CILP: variants seen among roughly 807,000 people sequenced by gnomAD.
CILP encodes the protein cartilage intermediate layer protein, also known as cartilage intermediate layer protein 1.
A neutral mutation model predicts 82.5 loss-of-function variants in CILP; 75 were observed. The ratio of observed to expected loss-of-function variants is 0.91; its 90% confidence interval spans 0.75 to 1.10. CILP has a LOEUF of 1.10. Among genes scored for constraint, CILP ranks in the 50% least tolerant of loss-of-function variants. CILP has a pLI of 0.00. For synonymous variants in CILP, 530 were observed against 580.3 expected, an observed-to-expected ratio of 0.91 and a Z score of 1.25; for missense variants, 1,479 against 1,530.8, an observed-to-expected ratio of 0.97 and a Z score of 0.56.
chr15:65,210,893 T>C (rs1406057179), intron 1 of CILP, among the ~76,000 whole-genome samples: 1 of 152,156 alleles, frequency 6.6e-6, no homozygotes, highest in Non-Finnish European at 1.5e-5. Flanking sequence ...CTCCACATTG[T>C]GTGTATCCCT....
In CILP at chr15:65,201,886, T is replaced by A. The variant is rs201892140; in HGVS notation, c.1172A>T (p.Gln391Leu). ...GACAGGCTTACCTATGACAATCAGC[T>A]GGGCAACCTTGGACTTCACAGCCCC... ...DAGAVKSKVAQLIVIASDETP... is the reference protein window; with the variant it reads ...DAGAVKSKVALLIVIASDETP... Residue 391 changes from glutamine (Q) to leucine (L), a missense_variant, in exon 8 of 9, where the codon CAG (glutamine) becomes CTG (leucine). By Grantham distance (113) the Gln-to-Leu change is moderately radical (BLOSUM62 -2). Coordinates refer to ENST00000261883, the MANE Select transcript of CILP (RefSeq NM_003613.4). 4 of 1,557,666 alleles carry A rather than the reference T, an allele frequency of 2.6e-6. No homozygotes were observed. The highest frequency in any genetic ancestry group is 1.7e-6 in the Non-Finnish European group (2 of 1,153,218).
intron 6 of CILP, 117 bp downstream of exon 6, chr15:65,204,151 T>G: frequency 1.2e-6 from 1 of 839,662 alleles, no homozygotes; most frequent in Non-Finnish European, 1.9e-6. Context: ...ATGTGGGCCA[T>G]GGTAAGGATT....
Position 65,196,635 on chromosome 15 carries a change from A to T in CILP, c.*96T>A. ...AACAAACAAGCAAATTCACGAAAAC[A>T]GAAGTGCTTAAATTAACCAAGTGAC... On this transcript the variant is annotated 3_prime_UTR_variant, in exon 9 of 9. Transcript: ENST00000261883. The T allele has an allele frequency of 8.9e-7, 1 of 1,126,272 alleles. No individual in the cohort carries two copies. Among genetic ancestry groups the T allele is most frequent in the Non-Finnish European group, 1.2e-6 (1 of 802,764 alleles). The allele number at this position is 1,126,272 out of a possible 1,614,324, so 69.8% of individuals were successfully genotyped here.
chr15:65,208,413 G>A (rs1250860022), intron 2 of CILP, among the ~76,000 whole-genome samples: 2 of 152,154 alleles, frequency 1.3e-5, no homozygotes, highest in African/African-American at 4.8e-5. Context: ...TTAGAGTATT[G>A]TGGGGATTAA....
chr15:65,198,945 G>A lies in CILP; in HGVS notation c.1341C>T (p.Cys447=). 6.2e-7 allele frequency: 1 copy of A among 1,613,918 alleles called. No individual in the cohort carries two copies. Among genetic ancestry groups the A allele is most frequent in the Non-Finnish European group, 8.5e-7 (1 of 1,180,036 alleles). Residue 447 remains cysteine, a synonymous_variant, in exon 9 of 9, where the codon TGC becomes TGT. Coordinates refer to ENST00000261883, the MANE Select transcript of CILP (RefSeq NM_003613.4). ...CAGQQDNGIR[C]RDAVQNCCGI... is the part of the protein sequence containing the mutation. Reference sequence around the variant, plus strand: ...CACAGCAGTTCTGCACAGCATCACGGCACCTGATCCCATTATCCTGCTGCC... The same window carrying A: ...CACAGCAGTTCTGCACAGCATCACGACACCTGATCCCATTATCCTGCTGCC...
At chr15:65,204,116 ATG>A in intron 6 of CILP, 150 bp downstream of exon 6, 1 of 646,864 alleles carries the variant, frequency 1.5e-6, no homozygotes, top group Non-Finnish European at 2.6e-6. Context: ...CAGAGAAGAA[ATG>A]GAGGGCCAGA....
Position 65,207,771 on chromosome 15 carries a change from G to A in CILP, c.62-7C>T, listed in dbSNP as rs1448894623. On this transcript the variant is annotated splice_region_variant and splice_polypyrimidine_tract_variant and intron_variant, in intron 2 of 8. Transcript: ENST00000261883. Reference sequence around the variant, plus strand: ...GTGAGCATCGTCTGTCTCCCTGAGGGCCAGAAGGAGAAGCTAAGTGAGAGG... The same window carrying A: ...GTGAGCATCGTCTGTCTCCCTGAGGACCAGAAGGAGAAGCTAAGTGAGAGG... The A allele has an allele frequency of 1.9e-6, 3 of 1,612,892 alleles. No homozygotes were observed. The highest frequency in any genetic ancestry group is 1.7e-6 in the Non-Finnish European group (2 of 1,178,890).
intron 2 of CILP, among the ~76,000 whole-genome samples, chr15:65,209,417 G>A (rs532221363): frequency 6.6e-6 from 1 of 152,180 alleles, no homozygotes; most frequent in African/African-American, 2.4e-5. Context: ...GTACTCAAGG[G>A]CTAAAAATAA....
At position 65,196,897 on chromosome 15, in the gene CILP, A is replaced by G; in HGVS notation, c.3389T>C (p.Phe1130Ser). The change falls in exon 9 of 9, where the codon TTC (phenylalanine) becomes TCC (serine). Residue 1130 changes from phenylalanine (F) to serine (S), a missense_variant. Transcript: ENST00000261883. ...VERQVGRQSA[F>S]QYLQSTPAQS... ...GGCTGGGGTGCTTTGGAGGTACTGG[A>G]AGGCACTCTGGCGGCCTACTTGCCT... is the stretch of plus-strand genomic sequence containing the variant. The G allele has an allele frequency of 6.2e-7, 1 of 1,613,602 alleles. No individual in the cohort carries two copies. Among genetic ancestry groups the G allele is most frequent in the East Asian group, 2.2e-5 (1 of 44,872 alleles).
At chr15:65,206,137 A>T (rs534614608) in intron 4 of CILP, among the ~76,000 whole-genome samples, 1 of 152,336 alleles carries the variant, frequency 6.6e-6, no homozygotes, top group Admixed American at 6.5e-5. Flanking sequence ...TTCAAACCCC[A>T]GCTCTGCCTT....
chr15:65,207,499 A>G (rs563745887), intron 3 of CILP, among the ~76,000 whole-genome samples, 173 bp downstream of exon 3: 4 of 152,186 alleles, frequency 2.6e-5, no homozygotes, highest in Non-Finnish European at 5.9e-5. Flanking sequence ...CAGATTCCTG[A>G]TTCTGAGCTG....
chr15:65,210,057 T>TTCCATCCCTGGGGGTAGGC (rs1259222922), intron 1 of CILP, among the ~76,000 whole-genome samples, 196 bp from the exon 2 acceptor site: 2 of 151,892 alleles, frequency 1.3e-5, no homozygotes, highest in Non-Finnish European at 2.9e-5. Flanking sequence ...GCAGACTAGG[T>TTCCATCCCTGGGGGTAGGC]TCCATCCCTG....
In CILP at chr15:65,204,528, A is replaced by G; in HGVS notation, c.659T>C (p.Met220Thr). The change falls in exon 6 of 9, where the codon ATG becomes ACG. Residue 220 changes from methionine to threonine, a missense_variant. Met to Thr is a moderately conservative substitution (Grantham distance 81). Transcript: ENST00000261883. ...GQVNADCDAC[M>T]CQDFMLHGAV... The stretch of plus-strand genomic sequence containing the variant: ...CCCATGAAGCATGAAGTCCTGGCAC[A>G]TGCAGGCATCACAGTCAGCATTCAC... The G allele has an allele frequency of 6.2e-7, 1 of 1,613,446 alleles. No individual in the cohort carries two copies. The highest frequency in any genetic ancestry group is 8.5e-7 in the Non-Finnish European group (1 of 1,179,806).
Position 65,197,872 on chromosome 15 carries a change from C to T in CILP, c.2414G>A (p.Gly805Glu). 1.9e-6 allele frequency: 3 copies of T among 1,613,350 alleles called. No homozygotes were observed. The highest frequency in any genetic ancestry group is 8.5e-7 in the Non-Finnish European group (1 of 1,179,848). Residue 805 changes from glycine to glutamate, a missense_variant, in exon 9 of 9, where the codon GGG becomes GAG. By Grantham distance (98) the Gly-to-Glu change is moderately conservative. Transcript: ENST00000261883. ...RFDSVITGPNGACVPAFCDDQ... is the reference protein window; with the variant it reads ...RFDSVITGPNEACVPAFCDDQ... ...ATCACAGAAGGCAGGCACACAGGCC[C>T]CGTTGGGGCCTGTGATGACACTGTC...
At position 65,199,051 on chromosome 15, in the gene CILP, C is replaced by T. The variant is rs149200433; in HGVS notation, c.1235G>A (p.Arg412Gln). 2.0e-4 allele frequency: 328 copies of T among 1,601,472 alleles called. No individual in the cohort carries two copies. The highest frequency in any genetic ancestry group is 2.5e-4 in the Non-Finnish European group (294 of 1,179,620). The change falls in exon 9 of 9, where the codon CGG becomes CAG. Residue 412 changes from arginine (R) to glutamine (Q), a missense_variant. Coordinates refer to ENST00000261883, the MANE Select transcript of CILP (RefSeq NM_003613.4). ...ATTCTGAAAGCAATCATGGGGCAGC[C>T]GGATAAGATAGCTCTCAGGAACTGG... ...CNPVPESYLI[R>Q]LPHDCFQNAT...
chr15:65,196,737 G>A lies in CILP; in HGVS notation c.3549C>T (p.Ile1183=), dbSNP rs2088365660. ...RFPRVAQQPL[I]N Reference sequence around the variant, plus strand: ...GGGTGAAGTACCACAAAACTTAGTTGATCAGGGGCTGTTGAGCAACTCTAG... The same window carrying A: ...GGGTGAAGTACCACAAAACTTAGTTAATCAGGGGCTGTTGAGCAACTCTAG... Residue 1183 remains isoleucine, a synonymous_variant, in exon 9 of 9, where the codon ATC becomes ATT. Coordinates refer to ENST00000261883, the MANE Select transcript of CILP (RefSeq NM_003613.4). 1 of 1,531,264 alleles carries A rather than the reference G, an allele frequency of 6.5e-7. No individual in the cohort carries two copies. Among genetic ancestry groups the A allele is most frequent in the African/African-American group, 1.4e-5 (1 of 72,862 alleles). 94.9% of individuals were successfully genotyped at this position (1,531,264 alleles called of 1,614,324 possible). A position where few individuals can be genotyped will look rare whatever the true frequency, so the allele number is the denominator to read the frequency against.
chr15:65,197,556 G>T lies in CILP; in HGVS notation c.2730C>A (p.Ala910=), dbSNP rs756979288. ...CCTCAATCTGGTAGAACCGGAAGTG[G>T]GCTGCACTGGGTGGTGCCTCTTCAC... ...RACEEAPPSA[A]HFRFYQIEGD... The change falls in exon 9 of 9, where the codon GCC becomes GCA. Residue 910 remains alanine, a synonymous_variant. Transcript: ENST00000261883. 6.8e-6 allele frequency: 11 copies of T among 1,614,112 alleles called. No individual in the cohort carries two copies. Among genetic ancestry groups the T allele is most frequent in the Non-Finnish European group, 9.3e-6 (11 of 1,180,050 alleles).
chr15:65,208,154 T>G (rs2088539170), intron 2 of CILP, among the ~76,000 whole-genome samples: 1 of 152,218 alleles, frequency 6.6e-6, no homozygotes, highest in South Asian at 2.1e-4. Flanking sequence ...CACCAAACCT[T>G]CTTGGCAAAA....
chr15:65,207,192 C>T, intron 3 of CILP, 141 bp from the exon 4 acceptor site: 1 of 908,500 alleles, frequency 1.1e-6, no homozygotes, highest in Non-Finnish European at 1.6e-6. Flanking sequence ...CTTACACCTG[C>T]CACTGCTGAG....
Sources: allele counts gnomAD v4.1 joint callset (sites outside exome capture counted in the v4.1 genomes callset), GRCh38; gene constraint gnomAD v4.1.1; transcripts MANE v1.5; gene names NCBI Gene and HGNC (gene_info 2026-07-23, HGNC 2026-07-21).